The following ARID1B variants were observed in gnomAD, a reference collection of about 807,000 sequenced individuals.
ARID1B encodes AT-rich interaction domain 1B.
A neutral mutation model predicts 212.3 loss-of-function variants in ARID1B; 30 were observed. That is an observed-to-expected ratio of 0.14 (90% CI 0.11 to 0.19). The LOEUF (loss-of-function observed/expected upper bound fraction) is 0.19, where lower values mean the gene tolerates loss of function less well. ARID1B is among the 10% of genes least tolerant of loss of function. ARID1B has a pLI of 1.00. For missense variants in ARID1B, 2,891 were observed against 3,204.0 expected (o/e 0.90, Z 2.36); for synonymous variants, 1,402 against 1,301.7 (o/e 1.08, Z -1.66).
intron 1 of ARID1B, among the ~76,000 whole-genome samples, chr6:156,827,740 T>G (rs1248092887): frequency 6.6e-6 from 1 of 151,160 alleles, no homozygotes; most frequent in Non-Finnish European, 1.5e-5. Flanking sequence ...TTATTCCCCT[T>G]TATCCTGGTA....
At chr6:157,100,283 G>A (rs1271274392) in intron 5 of ARID1B, among the ~76,000 whole-genome samples, 1 of 152,206 alleles carries the variant, frequency 6.6e-6, no homozygotes, top group African/African-American at 2.4e-5. Flanking sequence ...GGTAAAGGGT[G>A]AGGTGATCTT....
In ARID1B at chr6:157,207,568, G is replaced by A. The variant is rs530084903; in HGVS notation, c.6796G>A (p.Ala2266Thr). ...TTTATCGAACCTTGCCCAAGGGGAC[G>A]CACTAGCAGCAAGGGCCATAGCTGT... is the stretch of plus-strand genomic sequence containing the variant. Reference protein sequence around the residue: ...ALLSNLAQGDALAARAIAVQK... With the variant: ...ALLSNLAQGDTLAARAIAVQK... Residue 2266 changes from alanine (A) to threonine (T), a missense_variant, in exon 20 of 20, where the codon GCA becomes ACA. Physicochemically the swap from Ala to Thr is moderately conservative, Grantham distance 58. Coordinates refer to ENST00000636930, the MANE Select transcript of ARID1B (RefSeq NM_001374828.1). This position sits in a 1 kb window ranked among gnomAD's most constrained non-coding sequence, Gnocchi z 8.5. 2.0e-5 allele frequency: 33 copies of A among 1,614,144 alleles called. No homozygotes were observed. Among genetic ancestry groups the A allele is most frequent in the East Asian group, 1.3e-4 (6 of 44,878 alleles).
In ARID1B at chr6:156,778,669, G is replaced by C. The variant is rs768554794; in HGVS notation, c.989G>C (p.Arg330Pro). 6 of 1,495,366 alleles carry C rather than the reference G, an allele frequency of 4.0e-6. No homozygotes were observed. In the South Asian group the frequency reaches 7.5e-5, roughly 19 times the overall value. The allele number at this position is 1,495,366 out of a possible 1,614,324, so 92.6% of individuals were successfully genotyped here. ...CCTGCGAGCGGCGGCCCCGGCGGCCGCGCTGGGCCTTGCTTTGATCAACAT... is the reference window on the plus strand; with the variant it reads ...CCTGCGAGCGGCGGCCCCGGCGGCCCCGCTGGGCCTTGCTTTGATCAACAT... The part of the protein sequence containing the change: ...AAPASGGPGG[R>P]AGPCFDQHGG... The change falls in exon 1 of 20, where the codon CGC becomes CCC. Residue 330 changes from arginine (R) to proline (P), a missense_variant. Around this residue, in one of 7 missense-constraint regions of ARID1B, gnomAD observed 1,643 missense variants for 1,544.0 expected, o/e 1.06. Coordinates refer to ENST00000636930, the MANE Select transcript of ARID1B (RefSeq NM_001374828.1).
At chr6:157,047,921 T>A (rs1026816459) in intron 4 of ARID1B, among the ~76,000 whole-genome samples, 1 of 152,254 alleles carries the variant, frequency 6.6e-6, no homozygotes, top group African/African-American at 2.4e-5. Context: ...TTCCTTTGCA[T>A]GCAGTTACTG....
chr6:157,163,410 C>T (rs548671218), intron 8 of ARID1B, among the ~76,000 whole-genome samples: 1 of 152,344 alleles, frequency 6.6e-6, no homozygotes, highest in African/African-American at 2.4e-5. Flanking sequence ...TCTCCACTAA[C>T]CAAAATCAGT....
chr6:157,105,225 T>G (rs1228168332), intron 5 of ARID1B, among the ~76,000 whole-genome samples: 3 of 152,136 alleles, frequency 2.0e-5, no homozygotes, highest in Non-Finnish European at 4.4e-5. Flanking sequence ...CGAAGAAAAC[T>G]AGGGTGAATT....
rs1006121483 is a variant in ARID1B at position 157,201,953 on chromosome 6, T to A, written c.5263+465T>A. 2.6e-5 allele frequency among the ~76,000 whole-genome samples: 4 copies of A among 152,134 alleles called. No individual in the cohort carries two copies. The highest frequency in any genetic ancestry group is 6.5e-5 in the Admixed American group (1 of 15,270). On this transcript the variant is annotated intron_variant, in intron 18 of 19. Transcript: ENST00000636930. The surrounding 1 kb of genome is among the most constrained non-coding windows in gnomAD (Gnocchi z 5.2). ...AATACGTGCCTAACAGACCCCCCCA[T>A]GAGGCTAATGAAATGCTAAAGGTGA...
chr6:156,876,080 A>G (rs938973797), intron 2 of ARID1B, among the ~76,000 whole-genome samples: 1 of 152,222 alleles, frequency 6.6e-6, no homozygotes, highest in Non-Finnish European at 1.5e-5. Context: ...GGGTCTCTGA[A>G]AAAATTTAGA....
intron 2 of ARID1B, among the ~76,000 whole-genome samples, chr6:156,865,787 G>GCTTCCCTC (rs537520748): frequency 1.3e-5 from 2 of 151,596 alleles, no homozygotes; most frequent in African/African-American, 4.8e-5. Flanking sequence ...CTCTAAGACT[G>GCTTCCCTC]CTTCCCTCCT....
chr6:156,781,839 CG>C (rs1397438241), intron 1 of ARID1B, among the ~76,000 whole-genome samples: 1 of 151,890 alleles, frequency 6.6e-6, no homozygotes, highest in African/African-American at 2.4e-5. Flanking sequence ...AAACTAGAGA[CG>C]AATGAAGTTA....
intron 9 of ARID1B, among the ~76,000 whole-genome samples, chr6:157,172,479 T>G (rs1472772877): frequency 6.6e-6 from 1 of 152,244 alleles, no homozygotes; most frequent in Non-Finnish European, 1.5e-5. Flanking sequence ...CTTCAAGGAC[T>G]GACTGGGCTG....
At chr6:156,897,180 TTGCTGCTGCTACTGCTGC>T (rs1424655403) in intron 2 of ARID1B, among the ~76,000 whole-genome samples, 72 of 145,808 alleles carry the variant, frequency 4.9e-4, no homozygotes, top group Admixed American at 1.8e-3. Context: ...AATTCTTCTT[TTGCTGCTGCTACTGCTGC>T]TGCTGCTGCT....
At position 156,897,264 on chromosome 6, in the gene ARID1B, C is replaced by CTTCTTATTATTATTATTATTA. The variant is rs71027320; in HGVS notation, c.1987-4110_1987-4109insCTTATTATTATTATTATTATT. 6.1e-3 allele frequency among the ~76,000 whole-genome samples: 508 copies of CTTCTTATTATTATTATTATTA among 83,566 alleles called. 1 individual carries two copies. The highest frequency in any genetic ancestry group is 0.015 in the Middle Eastern group (3 of 194). 54.8% of individuals were successfully genotyped at this position (83,566 alleles called of 152,430 possible). On this transcript the variant is annotated intron_variant, in intron 2 of 19. Transcript: ENST00000636930. ...TCTTCTTCTTCTTCTTCTTCTTCTTCTTATTATTATTATTATTATTATTAT... is the reference window on the plus strand; with the variant it reads ...TCTTCTTCTTCTTCTTCTTCTTCTTCTTCTTATTATTATTATTATTATTATTATTATTATTATTATTATTAT...
In ARID1B at chr6:156,828,548, C is replaced by A. The variant is rs897181685; in HGVS notation, c.1792-679C>A. Among the ~76,000 whole-genome samples, 7 of 152,288 alleles carry A rather than the reference C, an allele frequency of 4.6e-5. No homozygotes were observed. The South Asian group carries it at 1.5e-3, about 32-fold the overall frequency. ...CCTGTATGACCTCGGCCCTGAAGCC[C>A]AGGGCCTGACTCACCAAACCAAAAA... is the stretch of plus-strand genomic sequence containing the variant. On this transcript the variant is annotated intron_variant, in intron 1 of 19. Coordinates refer to ENST00000636930, the MANE Select transcript of ARID1B (RefSeq NM_001374828.1).
At chr6:157,191,345 A>G (rs1562337600) in intron 15 of ARID1B, among the ~76,000 whole-genome samples, 2 of 151,970 alleles carry the variant, frequency 1.3e-5, no homozygotes, top group Non-Finnish European at 2.9e-5. Context: ...ATTCCCTGCA[A>G]TGCAGAGGAT....
chr6:157,016,005 G>A (rs886619936), intron 4 of ARID1B, among the ~76,000 whole-genome samples: 2 of 152,184 alleles, frequency 1.3e-5, no homozygotes, highest in African/African-American at 2.4e-5. Flanking sequence ...TTTTCAGTTT[G>A]CTCAGGAGAA....
At chr6:156,898,796 A>G (rs1223397672) in intron 2 of ARID1B, among the ~76,000 whole-genome samples, 1 of 152,066 alleles carries the variant, frequency 6.6e-6, no homozygotes, top group Non-Finnish European at 1.5e-5. Flanking sequence ...ACATGGAGAA[A>G]CCCTGTCTCT....
chr6:156,824,012 C>G (rs1480970015), intron 1 of ARID1B, among the ~76,000 whole-genome samples: 2 of 152,152 alleles, frequency 1.3e-5, no homozygotes, highest in East Asian at 3.8e-4. Flanking sequence ...GAAAGCCTAT[C>G]TGACATGTAA....
At chr6:157,090,658 C>A (rs192314498) in intron 5 of ARID1B, among the ~76,000 whole-genome samples, 8 of 152,312 alleles carry the variant, frequency 5.3e-5, no homozygotes, top group Admixed American at 1.3e-4. Flanking sequence ...GAAAGTAGAA[C>A]CCTTTTTCTT....
Sources: allele counts gnomAD v4.1 joint callset (sites outside exome capture counted in the v4.1 genomes callset), GRCh38; gene constraint gnomAD v4.1.1; regional missense constraint gnomAD v4.1.1; non-coding constraint Gnocchi (gnomAD v3.1); transcripts MANE v1.5; gene names NCBI Gene and HGNC (gene_info 2026-07-23, HGNC 2026-07-21).